The following CCSER1 variants were observed in gnomAD, a reference collection of about 807,000 sequenced individuals.
CCSER1 encodes the protein serine-rich coiled-coil domain-containing protein 1.
A neutral mutation model predicts 82.0 loss-of-function variants in CCSER1; 41 were observed. The ratio of observed to expected loss-of-function variants is 0.50; its 90% CI spans 0.39 to 0.65. The LOEUF is 0.65. Among genes scored for constraint, CCSER1 ranks in the 30% least tolerant of loss-of-function variants. The pLI is 0.00. For missense variants in CCSER1, 1,119 were observed against 1,064.2 expected (o/e 1.05, Z -0.72); for synonymous variants, 414 against 383.9 (o/e 1.08, Z -0.92).
intron 3 of CCSER1, among the ~76,000 whole-genome samples, chr4:90,362,926 A>G (rs1745617202): frequency 6.6e-6 from 1 of 152,132 alleles, no homozygotes; most frequent in African/African-American, 2.4e-5. Context: ...AGACTTACAG[A>G]TTTGCTCTTG....
chr4:91,012,918 C>G (rs1222874681), intron 9 of CCSER1, among the ~76,000 whole-genome samples: 1 of 133,552 alleles, frequency 7.5e-6, no homozygotes, highest in African/African-American at 2.5e-5. Flanking sequence ...TACCATTTCC[C>G]CACAAGAAGA....
chr4:91,066,270 T>TA (rs1480285705), intron 9 of CCSER1, among the ~76,000 whole-genome samples: 1 of 152,206 alleles, frequency 6.6e-6, no homozygotes, highest in Non-Finnish European at 1.5e-5. Context: ...CTTTCCTTGT[T>TA]AAAATCCAAG....
intron 1 of CCSER1, among the ~76,000 whole-genome samples, chr4:90,181,415 G>A (rs1224084394): frequency 6.6e-6 from 1 of 152,198 alleles, no homozygotes; most frequent in African/African-American, 2.4e-5. Context: ...CTTGACATGC[G>A]AATGGAAGTA....
At chr4:91,187,255 CTGGAGCT>C (rs1560503261) in intron 10 of CCSER1, among the ~76,000 whole-genome samples, 1 of 152,178 alleles carries the variant, frequency 6.6e-6, no homozygotes, top group Non-Finnish European at 1.5e-5. Context: ...AAGCTGTAGA[CTGGAGCT>C]GTTCCTATTC....
chr4:90,686,731 A>C (rs1734873498), intron 6 of CCSER1, among the ~76,000 whole-genome samples: 1 of 152,158 alleles, frequency 6.6e-6, no homozygotes, highest in Non-Finnish European at 1.5e-5. Context: ...GCATTTAGCC[A>C]AGTGCTTCAG....
chr4:90,714,377 C>T (rs1741239710), intron 6 of CCSER1, among the ~76,000 whole-genome samples: 1 of 151,934 alleles, frequency 6.6e-6, no homozygotes, highest in Admixed American at 6.6e-5. Context: ...TATAGGTTCT[C>T]AAGACTGTCA....
intron 10 of CCSER1, among the ~76,000 whole-genome samples, chr4:91,152,458 T>C (rs900594457): frequency 6.6e-6 from 1 of 152,192 alleles, no homozygotes; most frequent in Non-Finnish European, 1.5e-5. Context: ...CCTTTATGTT[T>C]ATCTTTATCT....
chr4:90,759,035 C>G (rs887229120), intron 7 of CCSER1, among the ~76,000 whole-genome samples: 2 of 152,168 alleles, frequency 1.3e-5, no homozygotes, highest in African/African-American at 4.8e-5. Flanking sequence ...TGTCTTCTTA[C>G]TGGAACATCT....
intron 8 of CCSER1, among the ~76,000 whole-genome samples, chr4:90,873,317 T>G (rs534552986): frequency 6.6e-6 from 1 of 152,184 alleles, no homozygotes; most frequent in South Asian, 2.1e-4. Flanking sequence ...ATAGAGTGTG[T>G]TCAGGTTTAC....
At chr4:91,023,496 A>G (rs1459432913) in intron 9 of CCSER1, among the ~76,000 whole-genome samples, 2 of 152,220 alleles carry the variant, frequency 1.3e-5, no homozygotes, top group African/African-American at 4.8e-5. Flanking sequence ...CCTCAGAAAT[A>G]ATGCCACATA....
intron 9 of CCSER1, among the ~76,000 whole-genome samples, chr4:90,940,061 T>C (rs1029439059): frequency 6.6e-6 from 1 of 152,178 alleles, no homozygotes; most frequent in Non-Finnish European, 1.5e-5. Context: ...TGTATTATCT[T>C]GAAGAAGCAA....
At chr4:91,304,362 C>T (rs1367100902) in intron 10 of CCSER1, among the ~76,000 whole-genome samples, 1 of 151,998 alleles carries the variant, frequency 6.6e-6, no homozygotes, top group African/African-American at 2.4e-5. Flanking sequence ...GAATGCAAGG[C>T]AATTGCCTTA....
chr4:91,374,305 G>T (rs747347859), intron 10 of CCSER1, among the ~76,000 whole-genome samples: 12 of 152,154 alleles, frequency 7.9e-5, no homozygotes, highest in Non-Finnish European at 1.8e-4. Context: ...TGGCTCCAAG[G>T]CTTTTAAGGA....
At chr4:90,560,036 TCA>T (rs1051906631) in intron 5 of CCSER1, among the ~76,000 whole-genome samples, 2 of 152,004 alleles carry the variant, frequency 1.3e-5, no homozygotes, top group Non-Finnish European at 1.5e-5. Context: ...GCACTCTCTT[TCA>T]CAGTTACGAT....
At chr4:90,903,455 C>T (rs1271668891) in intron 8 of CCSER1, among the ~76,000 whole-genome samples, 5 of 152,028 alleles carry the variant, frequency 3.3e-5, no homozygotes, top group African/African-American at 1.2e-4. Flanking sequence ...TTCCCAGTCT[C>T]GGGTATGTCT....
At chr4:90,859,726 A>G (rs1385982446) in intron 8 of CCSER1, among the ~76,000 whole-genome samples, 1 of 151,730 alleles carries the variant, frequency 6.6e-6, no homozygotes, top group East Asian at 1.9e-4. Flanking sequence ...AGTTAAGTGT[A>G]CCAAAGCAGA....
At chr4:91,138,761 C>A (rs1047249964) in intron 10 of CCSER1, among the ~76,000 whole-genome samples, 5 of 147,804 alleles carry the variant, frequency 3.4e-5, no homozygotes, top group Admixed American at 2.7e-4. Context: ...ACAACCCCAT[C>A]AAAAAGTGGG....
At chr4:90,926,070 C>A (rs1022976323) in intron 9 of CCSER1, among the ~76,000 whole-genome samples, 6 of 151,744 alleles carry the variant, frequency 4.0e-5, no homozygotes, top group Middle Eastern at 3.2e-3. Context: ...TCTCCCATGA[C>A]CAGGATATAT....
At chr4:90,752,969 A>G (rs954975577) in intron 7 of CCSER1, among the ~76,000 whole-genome samples, 1 of 152,142 alleles carries the variant, frequency 6.6e-6, no homozygotes, top group Non-Finnish European at 1.5e-5. Context: ...CCATTTCATC[A>G]TATAAAAATG....
Sources: gnomAD v4.1 joint callset for allele counts (sites outside exome capture counted in the v4.1 genomes callset) on GRCh38, gnomAD v4.1.1 for gene constraint, MANE v1.5 for transcripts, NCBI Gene and HGNC (gene_info 2026-07-23, HGNC 2026-07-21) for gene names.